Variants in FHIT observed in about 807,000 individuals in gnomAD.
FHIT encodes bis(5'-adenosyl)-triphosphatase.
Under a neutral mutation model 17.9 loss-of-function variants are expected in FHIT, and 19 were observed. The observed-to-expected ratio is 1.06, with a 90% CI of 0.74 to 1.56. The LOEUF (loss-of-function observed/expected upper bound fraction) is 1.56. Among genes scored for constraint, FHIT ranks in the 40% most tolerant of loss-of-function variants. FHIT has a pLI of 0.00. For synonymous variants in FHIT, 81 were observed against 69.7 expected (o/e 1.16, Z -0.81); for missense variants, 248 against 189.2 (o/e 1.31, Z -1.82).
chr3:60,341,459 G>C (rs1378325318), intron 5 of FHIT, among the ~76,000 whole-genome samples: 2 of 152,178 alleles, frequency 1.3e-5, no homozygotes, highest in Non-Finnish European at 2.9e-5. Flanking sequence ...ACAAAGGCAG[G>C]ATTGAATGAG....
At chr3:60,812,659 A>C (rs1286590173) in intron 4 of FHIT, among the ~76,000 whole-genome samples, 2 of 152,166 alleles carry the variant, frequency 1.3e-5, no homozygotes, top group African/African-American at 2.4e-5. Context: ...TATATCCAGA[A>C]TGTAGCCAGA....
intron 8 of FHIT, among the ~76,000 whole-genome samples, chr3:59,921,995 T>C (rs1461639871): frequency 6.6e-6 from 1 of 152,234 alleles, no homozygotes; most frequent in East Asian, 1.9e-4. Flanking sequence ...AAGAATCATA[T>C]ATCAATCTGC....
At chr3:59,761,653 C>T (rs918296939) in intron 8 of FHIT, among the ~76,000 whole-genome samples, 1 of 151,580 alleles carries the variant, frequency 6.6e-6, no homozygotes, top group African/African-American at 2.4e-5. Flanking sequence ...GTTGCCCAGG[C>T]TGGAGTGCAG....
intron 5 of FHIT, among the ~76,000 whole-genome samples, chr3:60,116,853 A>C (rs1350974599): frequency 1.4e-5 from 1 of 74,036 alleles, no homozygotes; most frequent in Non-Finnish European, 2.6e-5. Flanking sequence ...TTAAAACACA[A>C]AAAAATTAAG....
chr3:59,971,704 G>A (rs1389166208), intron 7 of FHIT, among the ~76,000 whole-genome samples: 5 of 152,106 alleles, frequency 3.3e-5, no homozygotes, highest in Non-Finnish European at 1.5e-5. Context: ...CTGAGCTCAG[G>A]AAGACTGAAG....
chr3:60,498,537 G>A (rs907283617), intron 5 of FHIT, among the ~76,000 whole-genome samples: 1 of 152,118 alleles, frequency 6.6e-6, no homozygotes, highest in Admixed American at 6.5e-5. Flanking sequence ...TTTCTATTAG[G>A]TTTGCTATTT....
At chr3:59,835,133 G>A (rs765833516) in intron 8 of FHIT, among the ~76,000 whole-genome samples, 6 of 152,026 alleles carry the variant, frequency 3.9e-5, no homozygotes, top group Non-Finnish European at 8.8e-5. Context: ...TCAACACATC[G>A]ATTATATGGA....
At chr3:60,427,346 G>T (rs1219793344) in intron 5 of FHIT, among the ~76,000 whole-genome samples, 1 of 151,986 alleles carries the variant, frequency 6.6e-6, no homozygotes, top group Non-Finnish European at 1.5e-5. Context: ...TCGGAACTGG[G>T]TATTTCCCTA....
intron 2 of FHIT, among the ~76,000 whole-genome samples, chr3:61,091,961 AAAG>A (rs1174606197): frequency 1.3e-5 from 2 of 150,406 alleles, no homozygotes; most frequent in African/African-American, 4.9e-5. Context: ...AAAAAAAAAA[AAAG>A]AAGCAACAGG....
At chr3:60,167,161 C>G (rs527989870) in intron 5 of FHIT, among the ~76,000 whole-genome samples, 5 of 152,256 alleles carry the variant, frequency 3.3e-5, no homozygotes, top group African/African-American at 1.2e-4. Flanking sequence ...ATCCTATAAT[C>G]TGTTTTGTGT....
chr3:60,340,702 T>C (rs981517921), intron 5 of FHIT, among the ~76,000 whole-genome samples: 2 of 152,154 alleles, frequency 1.3e-5, no homozygotes, highest in Non-Finnish European at 2.9e-5. Context: ...TCCACTTATA[T>C]GAGGAGGACT....
chr3:60,953,749 T>TA (rs1406688529), intron 3 of FHIT, among the ~76,000 whole-genome samples: 17 of 152,044 alleles, frequency 1.1e-4, no homozygotes, highest in Admixed American at 9.2e-4. Context: ...AAACCAAACT[T>TA]AAAGTGTCCA....
chr3:60,394,758 G>A (rs1044618986), intron 5 of FHIT, among the ~76,000 whole-genome samples: 3 of 152,116 alleles, frequency 2.0e-5, no homozygotes, highest in Non-Finnish European at 4.4e-5. Flanking sequence ...AGGTCTCCAC[G>A]AACATTAACT....
chr3:61,048,985 G>T (rs1205542562), intron 2 of FHIT, among the ~76,000 whole-genome samples: 1 of 151,916 alleles, frequency 6.6e-6, no homozygotes, highest in South Asian at 2.1e-4. Context: ...TGGGGTTGGG[G>T]GAGTGGGGAG....
intron 1 of FHIT, among the ~76,000 whole-genome samples, chr3:61,204,356 T>C (rs1042149497): frequency 1.3e-5 from 2 of 152,182 alleles, no homozygotes; most frequent in Non-Finnish European, 2.9e-5. Context: ...TTATTTTCTT[T>C]AAACTGTATA....
intron 4 of FHIT, among the ~76,000 whole-genome samples, chr3:60,756,571 G>C (rs1339344448): frequency 2.0e-5 from 3 of 152,162 alleles, no homozygotes; most frequent in African/African-American, 7.2e-5. Context: ...CTAATAAAAT[G>C]GGTTGGGGAG....
At chr3:60,532,551 G>A (rs1363098292) in intron 5 of FHIT, among the ~76,000 whole-genome samples, 1 of 152,168 alleles carries the variant, frequency 6.6e-6, no homozygotes, top group Non-Finnish European at 1.5e-5. Context: ...AAATGATTCT[G>A]TCACCAAGAA....
At chr3:60,488,345 C>G (rs779193356) in intron 5 of FHIT, among the ~76,000 whole-genome samples, 22 of 152,076 alleles carry the variant, frequency 1.4e-4, no homozygotes, top group Admixed American at 3.9e-4. Flanking sequence ...TGGTGTTTAC[C>G]TTCGATTCTG....
At chr3:61,099,440 T>A (rs1345593255) in intron 2 of FHIT, among the ~76,000 whole-genome samples, 3 of 152,144 alleles carry the variant, frequency 2.0e-5, no homozygotes, top group African/African-American at 7.2e-5. Context: ...ATAGAATGAG[T>A]TAGGGAGGAG....
Sources: allele counts gnomAD v4.1 joint callset (sites outside exome capture counted in the v4.1 genomes callset), GRCh38; gene constraint gnomAD v4.1.1; transcripts MANE v1.5; gene names NCBI Gene and HGNC (gene_info 2026-07-23, HGNC 2026-07-21).